CPED1: variants seen among roughly 807,000 people sequenced by gnomAD.
CPED1 encodes cadherin like and PC-esterase domain containing 1.
Under a neutral mutation model 128.2 loss-of-function variants are expected in CPED1, and 114 were observed. The observed-to-expected ratio is 0.89, with a 90% confidence interval of 0.76 to 1.04. The LOEUF (loss-of-function observed/expected upper bound fraction) is 1.04, where lower values mean the gene tolerates loss of function less well. Ranked by LOEUF, CPED1 falls within the 50% of genes least tolerant of loss-of-function variation. The pLI is 0.00. For missense variants in CPED1, 1,211 were observed against 1,207.1 expected, an observed-to-expected ratio of 1.00 and a Z score of -0.05; for synonymous variants, 462 against 426.7, an observed-to-expected ratio of 1.08 and a Z score of -1.02.
chr7:121,067,483 C>T (rs7786535), intron 5 of CPED1, among the ~76,000 whole-genome samples: 149,388 of 152,326 alleles, frequency 0.98, 73,268 homozygotes, highest in Middle Eastern at 1. Flanking sequence ...ATGGTGTACA[C>T]GTGCCACATT....
chr7:121,155,196 A>G (rs889740549), intron 16 of CPED1, among the ~76,000 whole-genome samples: 3 of 152,150 alleles, frequency 2.0e-5, no homozygotes, highest in African/African-American at 7.2e-5. Flanking sequence ...AAACTATAAA[A>G]CTCTGATAAA....
intron 3 of CPED1, among the ~76,000 whole-genome samples, chr7:121,020,438 G>A (rs1269556763): frequency 6.6e-6 from 1 of 151,926 alleles, no homozygotes; most frequent in East Asian, 1.9e-4. Context: ...TTGCAACAGA[G>A]TCTGTATGGC....
At chr7:121,137,819 G>A (rs1045915577) in intron 14 of CPED1, among the ~76,000 whole-genome samples, 5 of 152,056 alleles carry the variant, frequency 3.3e-5, no homozygotes, top group African/African-American at 1.2e-4. Context: ...AAAACTAGGA[G>A]CAAAATTAGA....
Position 121,236,822 on chromosome 7 carries a change from G to T in CPED1, c.2164G>T (p.Asp722Tyr). The T allele has an allele frequency of 6.4e-7, 1 of 1,562,798 alleles. No individual in the cohort carries two copies. The highest frequency in any genetic ancestry group is 1.1e-5 in the South Asian group (1 of 87,388). ...QSELKRCPSGDMKGQWIVPCL... is the reference protein window; with the variant it reads ...QSELKRCPSGYMKGQWIVPCL... ...TGAACTAAAAAGATGTCCATCTGGG[G>T]ACATGAAAGGTGACTATCACATTGG... The change falls in exon 17 of 23, where the codon GAC (aspartate) becomes TAC (tyrosine). Residue 722 changes from aspartate to tyrosine, a missense_variant. Coordinates refer to ENST00000310396, the MANE Select transcript of CPED1 (RefSeq NM_024913.5).
chr7:121,200,200 C>A (rs1563063200), intron 16 of CPED1, among the ~76,000 whole-genome samples: 1 of 152,026 alleles, frequency 6.6e-6, no homozygotes, highest in Non-Finnish European at 1.5e-5. Context: ...GGCAATGTTT[C>A]CAAGAGTGTG....
At chr7:121,156,915 A>T (rs909032282) in intron 16 of CPED1, among the ~76,000 whole-genome samples, 13 of 152,210 alleles carry the variant, frequency 8.5e-5, no homozygotes, top group Admixed American at 2.0e-4. Flanking sequence ...ACCACTAATG[A>T]TGCTAGAAGT....
At chr7:121,256,659 TAAAAC>T (rs1791886347) in intron 18 of CPED1, among the ~76,000 whole-genome samples, 2 of 151,996 alleles carry the variant, frequency 1.3e-5, no homozygotes, top group Non-Finnish European at 2.9e-5. Flanking sequence ...TCAAAGAACT[TAAAAC>T]TGAGCTATTA....
At chr7:121,119,385 T>G (rs1186518808) in intron 7 of CPED1, among the ~76,000 whole-genome samples, 2 of 151,022 alleles carry the variant, frequency 1.3e-5, no homozygotes, top group South Asian at 2.1e-4. Context: ...CAGGCTAATC[T>G]CCAACTCCTG....
chr7:121,041,923 A>G (rs10232093), intron 3 of CPED1, among the ~76,000 whole-genome samples: 2,457 of 152,238 alleles, frequency 0.016, 78 homozygotes, highest in African/African-American at 0.056. Context: ...CTATGAAGGC[A>G]TGATAGTGAT....
intron 7 of CPED1, among the ~76,000 whole-genome samples, chr7:121,105,261 AT>A (rs1178242980): frequency 1.3e-5 from 2 of 152,236 alleles, no homozygotes; most frequent in African/African-American, 4.8e-5. Context: ...AGTTAGCCTC[AT>A]TTGTCGTCAA....
chr7:121,184,300 G>A (rs574642714), intron 16 of CPED1, among the ~76,000 whole-genome samples: 1 of 152,176 alleles, frequency 6.6e-6, no homozygotes, highest in South Asian at 2.1e-4. Flanking sequence ...AGTGTCTTAA[G>A]TTGCTGAAAA....
chr7:121,164,776 C>A (rs543750885), intron 16 of CPED1, among the ~76,000 whole-genome samples: 1 of 152,274 alleles, frequency 6.6e-6, no homozygotes, highest in East Asian at 1.9e-4. Context: ...AAGGCTATTT[C>A]TTTACCTCTC....
rs191999049 is a variant in CPED1, at chr7:121,038,117, G to A, written c.434-8770G>A. On this transcript the variant is annotated intron_variant, in intron 3 of 22. Coordinates refer to ENST00000310396, the MANE Select transcript of CPED1 (RefSeq NM_024913.5). ...GTTTGACTTCCTCTTTGCCAATTTG[G>A]GTGCCCTTTATTTCTTTCTTTTGTC... is the stretch of plus-strand genomic sequence containing the variant. Among the ~76,000 whole-genome samples the A allele has an allele frequency of 1.9e-3, 285 of 152,132 alleles. 2 individuals are homozygous for A. The highest frequency in any genetic ancestry group is 6.6e-3 in the African/African-American group (273 of 41,500).
chr7:121,023,111 A>G (rs572793627), intron 3 of CPED1, among the ~76,000 whole-genome samples: 1 of 152,226 alleles, frequency 6.6e-6, no homozygotes, highest in African/African-American at 2.4e-5. Context: ...GACACAGAGT[A>G]TATTTTATCA....
intron 18 of CPED1, among the ~76,000 whole-genome samples, chr7:121,245,992 C>T (rs1263623798): frequency 6.6e-6 from 1 of 151,850 alleles, no homozygotes; most frequent in East Asian, 1.9e-4. Context: ...CATGCCCAGC[C>T]CTCCACAGGC....
chr7:121,285,867 G>C (rs1792557599), intron 22 of CPED1, among the ~76,000 whole-genome samples: 1 of 152,164 alleles, frequency 6.6e-6, no homozygotes, highest in Non-Finnish European at 1.5e-5. Flanking sequence ...ACCTCTGCCT[G>C]TTAGCCAGTT....
chr7:121,083,271 G>A lies in CPED1; in HGVS notation c.617-14428G>A, dbSNP rs145375776. ...GTCCAGTCTTATGCCTGGGATTCATGATGAGTCAGATGTGGGTGTAGCCAC... is the reference window on the plus strand; with the variant it reads ...GTCCAGTCTTATGCCTGGGATTCATAATGAGTCAGATGTGGGTGTAGCCAC... On this transcript the variant is annotated intron_variant, in intron 5 of 22. Coordinates refer to ENST00000310396, the MANE Select transcript of CPED1 (RefSeq NM_024913.5). 1.7e-3 allele frequency among the ~76,000 whole-genome samples: 259 copies of A among 152,300 alleles called. 1 individual carries two copies. Among genetic ancestry groups the A allele is most frequent in the African/African-American group, 5.8e-3 (241 of 41,566 alleles).
At chr7:121,131,977 A>G (rs62468522) in intron 12 of CPED1, among the ~76,000 whole-genome samples, 2 of 148,408 alleles carry the variant, frequency 1.3e-5, no homozygotes, top group African/African-American at 5.0e-5. Context: ...TTTTTTTTTA[A>G]TGGGAAAAGC....
intron 3 of CPED1, among the ~76,000 whole-genome samples, chr7:121,034,247 C>CTTTTTTT (rs3067998): frequency 6.1e-5 from 7 of 113,982 alleles, no homozygotes; most frequent in Admixed American, 1.1e-4. Flanking sequence ...GTTTTTTTTT[C>CTTTTTTT]TTTTTTTTTT....
Sources: allele counts gnomAD v4.1 joint callset (sites outside exome capture counted in the v4.1 genomes callset), GRCh38; gene constraint gnomAD v4.1.1; transcripts MANE v1.5; gene names NCBI Gene and HGNC (gene_info 2026-07-23, HGNC 2026-07-21).